Variants in EPS8L1 observed in about 807,000 individuals in gnomAD.
EPS8L1 encodes the protein epidermal growth factor receptor kinase substrate 8-like protein 1.
In EPS8L1, 101 loss-of-function variants were observed where a neutral mutation model predicts 91.7. The ratio of observed to expected loss-of-function variants is 1.10; its 90% CI spans 0.94 to 1.30. The LOEUF is 1.30. Ranked by LOEUF, EPS8L1 falls within the 50% of genes most tolerant of loss-of-function variation. The pLI is 0.00. For missense variants in EPS8L1, 1,114 were observed against 1,017.0 expected (o/e 1.10, Z -1.30); for synonymous variants, 506 against 445.3 (o/e 1.14, Z -1.72).
chr19:55,081,442 C>T lies in EPS8L1; in HGVS notation c.724C>T (p.Leu242=). The change falls in exon 8 of 20, where the codon CTG becomes TTG. Residue 242 remains leucine, a synonymous_variant. Coordinates refer to ENST00000201647, the MANE Select transcript of EPS8L1 (RefSeq NM_133180.3). This position sits in a 1 kb window ranked among gnomAD's most constrained non-coding sequence, Gnocchi z 4.9. ...CAACGCTGACTCGGCCTCCCCGGAC[C>T]TGGGTCCCCGGGGTCCTGACCTGGC... is the stretch of plus-strand genomic sequence containing the variant. The part of the protein sequence containing the change: ...SSNADSASPD[L]GPRGPDLAVL... 6.2e-7 allele frequency: 1 copy of T among 1,603,270 alleles called. No homozygotes were observed. Among genetic ancestry groups the T allele is most frequent in the Non-Finnish European group, 8.5e-7 (1 of 1,176,180 alleles).
chr19:55,080,198 C>T lies in EPS8L1; in HGVS notation c.349C>T (p.Arg117Cys). The change falls in exon 6 of 20, where the codon CGC becomes TGC. Residue 117 changes from arginine (R) to cysteine (C), a missense_variant. By Grantham distance (180) the Arg-to-Cys change is radical. Transcript: ENST00000201647. ...CGCGGTGATGCCACCCGGCAGGAGC[C>T]GCTCGTTGCTGCTGCTCGTGTGCCA... ...CDAVMPPGRS[R>C]SLLLLVCQEP... The T allele has an allele frequency of 2.0e-6, 3 of 1,537,312 alleles. No individual in the cohort carries two copies. Among genetic ancestry groups the T allele is most frequent in the Non-Finnish European group, 2.6e-6 (3 of 1,136,786 alleles).
At chr19:55,080,601 G>A (rs2076235220) in intron 6 of EPS8L1, 171 bp from the exon 7 acceptor site, 5 of 1,596,162 alleles carry the variant, frequency 3.1e-6, no homozygotes, top group African/African-American at 1.3e-5. Flanking sequence ...CTTAGGGCAG[G>A]GACAGGTGTA....
At position 55,087,353 on chromosome 19, in the gene EPS8L1, AGAAGGAGGAGCTGCGGGCG is replaced by A; in HGVS notation, c.2005_2023del (p.Lys669Ter). On this transcript the variant is annotated frameshift_variant, in exon 19 of 20. Transcript: ENST00000201647. LOFTEE classifies it high-confidence loss of function. Reference sequence around the variant, plus strand: ...ACCGGGGCGCAGCTTTTCTCGCTGCAGAAGGAGGAGCTGCGGGCGGTGAGCCCCGAGGAGGGGGCACGTG... The same window carrying A: ...ACCGGGGCGCAGCTTTTCTCGCTGCAGTGAGCCCCGAGGAGGGGGCACGTG... 2 of 1,612,908 alleles carry A rather than the reference AGAAGGAGGAGCTGCGGGCG, an allele frequency of 1.2e-6. No individual in the cohort carries two copies. Among genetic ancestry groups the A allele is most frequent in the Non-Finnish European group, 1.7e-6 (2 of 1,179,682 alleles).
intron 2 of EPS8L1, among the ~76,000 whole-genome samples, chr19:55,077,102 C>T (rs773899830): frequency 7.2e-5 from 11 of 152,104 alleles, no homozygotes; most frequent in Admixed American, 3.3e-4. Context: ...GCCACCTGAT[C>T]GCTGAGCTTC....
At position 55,082,617 on chromosome 19, in the gene EPS8L1, T is replaced by TGGGAGGCA; in HGVS notation, c.1214+19_1214+26dup. ...ACCCGCCCCGGGTGAGGGGCGGGGC[T>TGGGAGGCA]GGGAGGCAGGGGGCATGGTGATTGG... is the stretch of plus-strand genomic sequence containing the variant. On this transcript the variant is annotated intron_variant, in intron 12 of 19. Transcript: ENST00000201647. 2 of 1,549,890 alleles carry TGGGAGGCA rather than the reference T, an allele frequency of 1.3e-6. No individual in the cohort carries two copies. Among genetic ancestry groups the TGGGAGGCA allele is most frequent in the Non-Finnish European group, 1.7e-6 (2 of 1,147,868 alleles).
intron 4 of EPS8L1, 66 bp downstream of exon 4, chr19:55,079,123 C>T (rs1373413842): frequency 5.9e-6 from 9 of 1,537,074 alleles, no homozygotes; most frequent in Non-Finnish European, 8.1e-6. Flanking sequence ...GGAGATAGGG[C>T]TTTTGAAAGC....
chr19:55,087,161 G>T, intron 18 of EPS8L1, 142 bp from the exon 19 acceptor site: 1 of 1,284,022 alleles, frequency 7.8e-7, no homozygotes, highest in Non-Finnish European at 1.0e-6. Flanking sequence ...ATTGGTGGGT[G>T]GGGTTCAGGA....
intron 14 of EPS8L1, chr19:55,084,525 A>C (rs985486868): frequency 6.6e-6 from 1 of 152,162 alleles, no homozygotes; most frequent in African/African-American, 2.4e-5. Context: ...GGAGGAGACA[A>C]AGGGGGGTCT....
chr19:55,078,686 G>T (rs567074338), intron 3 of EPS8L1, among the ~76,000 whole-genome samples: 1 of 29,714 alleles, frequency 3.4e-5, no homozygotes, highest in Non-Finnish European at 6.4e-5. Context: ...CTGGGTCAGA[G>T]GGAAGAGGGG....
chr19:55,078,154 G>T, intron 3 of EPS8L1, 26 bp downstream of exon 3: 1 of 1,611,854 alleles, frequency 6.2e-7, no homozygotes, highest in Non-Finnish European at 8.5e-7. Context: ...GGGAGCCCCA[G>T]GCCCATAGAA....
chr19:55,080,690 G>A, intron 6 of EPS8L1, 82 bp from the exon 7 acceptor site: 1 of 1,574,622 alleles, frequency 6.4e-7, no homozygotes, highest in Non-Finnish European at 8.6e-7. Flanking sequence ...CTGGGACTGA[G>A]CTGAAAAATC....
chr19:55,079,603 C>T (rs1485333071), intron 4 of EPS8L1, 87 bp from the exon 5 acceptor site: 1 of 1,494,522 alleles, frequency 6.7e-7, no homozygotes, highest in Non-Finnish European at 9.0e-7. Context: ...TGGTTAGTCT[C>T]AGGCTGAAAG....
rs149496809 is a variant in EPS8L1, at chr19:55,079,542, A to G, written c.118-148A>G. 546 of 892,250 alleles carry G rather than the reference A, an allele frequency of 6.1e-4. 4 individuals carry two copies. The African/African-American group carries it at 7.7e-3, about 13-fold the overall frequency. 55.3% of individuals were successfully genotyped at this position (892,250 alleles called of 1,614,324 possible). On this transcript the variant is annotated intron_variant, in intron 4 of 19. Coordinates refer to ENST00000201647, the MANE Select transcript of EPS8L1 (RefSeq NM_133180.3). Reference sequence around the variant, plus strand: ...AAGGGAAACAAAGGGCACTGGGAGGAGGAGCTGATTTGTGGAACAGGTGAT... The same window carrying G: ...AAGGGAAACAAAGGGCACTGGGAGGGGGAGCTGATTTGTGGAACAGGTGAT...
At position 55,079,035 on chromosome 19, in the gene EPS8L1, A is replaced by T; in HGVS notation, c.95A>T (p.Asp32Val). 6.2e-7 allele frequency: 1 copy of T among 1,613,906 alleles called. No individual in the cohort carries two copies. The highest frequency in any genetic ancestry group is 8.5e-7 in the Non-Finnish European group (1 of 1,179,944). The stretch of plus-strand genomic sequence containing the variant: ...CGTTACTCCACAGTTGTTATGGCTG[A>T]TGTATCCCAGTACCCAGTCAATGTG... The part of the protein sequence containing the change: ...RKRYSTVVMA[D>V]VSQYPVNHLV... The change falls in exon 4 of 20, where the codon GAT becomes GTT. Residue 32 changes from aspartate to valine, a missense_variant. Transcript: ENST00000201647.
intron 14 of EPS8L1, among the ~76,000 whole-genome samples, chr19:55,085,097 G>A (rs180848516): frequency 1.5e-4 from 23 of 152,306 alleles, no homozygotes; most frequent in Non-Finnish European, 1.9e-4. Flanking sequence ...TCTACCAACC[G>A]TTGTCATAAA....
rs760459447 is a variant in EPS8L1 at position 55,086,517 on chromosome 19, G to A, written c.1776G>A (p.Lys592=). 5 of 1,551,102 alleles carry A rather than the reference G, an allele frequency of 3.2e-6. No individual in the cohort carries two copies. Among genetic ancestry groups the A allele is most frequent in the South Asian group, 1.2e-5 (1 of 84,022 alleles). ...TCAACGGCTTGGACCCCAGCGAGAA[G>A]GGTGAGTGGTGGGGACGCCGGCTGC... is the stretch of plus-strand genomic sequence containing the variant. ...DSLNGLDPSE[K]EKFSQMLIVN... Residue 592 remains lysine (K), a splice_region_variant and synonymous_variant, in exon 17 of 20, where the codon AAG becomes AAA. Transcript: ENST00000201647.
chr19:55,077,450 G>A (rs1346038598), intron 2 of EPS8L1, among the ~76,000 whole-genome samples: 1 of 152,048 alleles, frequency 6.6e-6, no homozygotes, highest in East Asian at 1.9e-4. Context: ...GAAAAACTGA[G>A]GCAGGAGAGA....
In EPS8L1 at chr19:55,082,543, C is replaced by A. The variant is rs762731662; in HGVS notation, c.1155C>A (p.Asn385Lys). ...TSDAVALLRDNVTPRENELWT... is the reference protein window; with the variant it reads ...TSDAVALLRDKVTPRENELWT... ...ATGCCGTGGCGCTGCTGCGGGACAACGTCACTCCACGTGAAAACGAGCTCT... is the reference window on the plus strand; with the variant it reads ...ATGCCGTGGCGCTGCTGCGGGACAAAGTCACTCCACGTGAAAACGAGCTCT... The change falls in exon 12 of 20, where the codon AAC becomes AAA. Residue 385 changes from asparagine to lysine, a missense_variant. Physicochemically the swap from Asn to Lys is moderately conservative, Grantham distance 94 (BLOSUM62 0). Coordinates refer to ENST00000201647, the MANE Select transcript of EPS8L1 (RefSeq NM_133180.3). The A allele has an allele frequency of 6.3e-5, 101 of 1,605,932 alleles. No homozygotes were observed. Among genetic ancestry groups the A allele is most frequent in the Non-Finnish European group, 7.2e-5 (85 of 1,176,928 alleles).
At position 55,080,829 on chromosome 19, in the gene EPS8L1, G is replaced by C; in HGVS notation, c.487G>C (p.Gly163Arg). The change falls in exon 7 of 20, where the codon GGG becomes CGG. Residue 163 changes from glycine (G) to arginine (R), a missense_variant. Gly to Arg is a moderately radical substitution (Grantham distance 125). Coordinates refer to ENST00000201647, the MANE Select transcript of EPS8L1 (RefSeq NM_133180.3). ...TCTGCACAATTACCGCTCGGGCCGC[G>C]GGGAGCGCAGGGCGGCGGCGCTCAG... ...GALHNYRSGR[G>R]ERRAAALRAT... The C allele has an allele frequency of 6.2e-7, 1 of 1,611,360 alleles. No homozygotes were observed. Among genetic ancestry groups the C allele is most frequent in the South Asian group, 1.1e-5 (1 of 90,804 alleles).
Sources: gnomAD v4.1 joint callset for allele counts (sites outside exome capture counted in the v4.1 genomes callset) on GRCh38, gnomAD v4.1.1 for gene constraint, Gnocchi (gnomAD v3.1) non-coding constraint, MANE v1.5 for transcripts, NCBI Gene and HGNC (gene_info 2026-07-23, HGNC 2026-07-21) for gene names.